The following WDFY3 variants were observed in gnomAD, a reference collection of about 807,000 sequenced individuals.
WDFY3 encodes WD repeat and FYVE domain-containing protein 3.
In WDFY3, 66 loss-of-function variants were observed where a neutral mutation model predicts 409.6. The observed-to-expected ratio is 0.16, with a 90% CI of 0.13 to 0.20. The LOEUF (loss-of-function observed/expected upper bound fraction) is 0.20. WDFY3 is among the 10% of genes least tolerant of loss of function. WDFY3 has a pLI of 1.00. For missense variants in WDFY3, 3,031 were observed against 4,298.1 expected, an observed-to-expected ratio of 0.71 and a Z score of 8.24; for synonymous variants, 1,521 against 1,537.1, an observed-to-expected ratio of 0.99 and a Z score of 0.25.
chr4:84,874,949 A>G (rs1055071081), intron 3 of WDFY3, among the ~76,000 whole-genome samples: 24 of 152,268 alleles, frequency 1.6e-4, no homozygotes, highest in Middle Eastern at 3.4e-3. Context: ...ATGTTGCTGT[A>G]CTGAATACTA....
At chr4:84,838,093 C>G (rs1040332356) in intron 6 of WDFY3, among the ~76,000 whole-genome samples, 3 of 152,140 alleles carry the variant, frequency 2.0e-5, no homozygotes, top group Non-Finnish European at 4.4e-5. Context: ...CTGGAAGATA[C>G]ATAGGAGGTT....
chr4:84,882,864 CAT>C (rs1449075817), intron 3 of WDFY3, among the ~76,000 whole-genome samples: 1 of 152,024 alleles, frequency 6.6e-6, no homozygotes, highest in Non-Finnish European at 1.5e-5. Context: ...CAGGTATGCA[CAT>C]GTGGCTCATT....
intron 67 of WDFY3, among the ~76,000 whole-genome samples, chr4:84,674,235 A>T (rs1276482274): frequency 6.6e-6 from 1 of 152,204 alleles, no homozygotes; most frequent in Non-Finnish European, 1.5e-5. Context: ...TACAAAGAAC[A>T]GATGTGTGCC....
chr4:84,939,237 G>A (rs756140822), intron 1 of WDFY3, among the ~76,000 whole-genome samples: 2 of 151,998 alleles, frequency 1.3e-5, no homozygotes, highest in Admixed American at 6.6e-5. Context: ...ATGTTTCCTC[G>A]TGATTAAATT....
At chr4:84,794,236 A>C (rs1237668397) in intron 21 of WDFY3, among the ~76,000 whole-genome samples, 1 of 152,212 alleles carries the variant, frequency 6.6e-6, no homozygotes, top group East Asian at 1.9e-4. Context: ...TCCTTACCAA[A>C]ATACATCAAA....
chr4:84,685,502 T>G (rs1728162980), intron 62 of WDFY3, among the ~76,000 whole-genome samples: 1 of 152,228 alleles, frequency 6.6e-6, no homozygotes, highest in Admixed American at 6.5e-5. Context: ...TGTCAGCAAT[T>G]GAGTTTTAAT....
intron 10 of WDFY3, among the ~76,000 whole-genome samples, chr4:84,822,755 T>C (rs145672639): frequency 5.5e-4 from 84 of 152,246 alleles, no homozygotes; most frequent in African/African-American, 1.9e-3. Flanking sequence ...CTCAGAAATC[T>C]TGACTTCGAC....
chr4:84,911,575 G>A (rs557521984), intron 2 of WDFY3, among the ~76,000 whole-genome samples: 1 of 152,102 alleles, frequency 6.6e-6, no homozygotes, highest in South Asian at 2.1e-4. Flanking sequence ...AACCAACACA[G>A]GTTTAAACTA....
chr4:84,744,155 AAC>A (rs1163490848), intron 36 of WDFY3, among the ~76,000 whole-genome samples: 2 of 148,992 alleles, frequency 1.3e-5, no homozygotes, highest in South Asian at 2.1e-4. Context: ...AAACTGTTAT[AAC>A]AGTTTATAAC....
chr4:84,772,748 T>A, intron 30 of WDFY3, 87 bp downstream of exon 30: 2 of 1,017,066 alleles, frequency 2.0e-6, no homozygotes, highest in Admixed American at 5.2e-5. Flanking sequence ...TATAATCACA[T>A]GTAATTCAGG....
chr4:84,896,028 G>A lies in WDFY3; in HGVS notation c.-32+883C>T, dbSNP rs551019312. On this transcript the variant is annotated intron_variant, in intron 3 of 67. Coordinates refer to ENST00000295888, the MANE Select transcript of WDFY3 (RefSeq NM_014991.6). ...ATCCCAGCACTTTGGGAGGCCGAGG[G>A]GGACGGATCACGAGGTCAAGAGATG... 1.1e-4 allele frequency among the ~76,000 whole-genome samples: 16 copies of A among 152,024 alleles called. 1 individual carries two copies. In the East Asian group the frequency reaches 3.1e-3, roughly 30 times the overall value.
intron 3 of WDFY3, among the ~76,000 whole-genome samples, chr4:84,868,086 T>G (rs1036412145): frequency 4.4e-5 from 6 of 135,628 alleles, no homozygotes; most frequent in Admixed American, 1.7e-4. Flanking sequence ...GGAGAATGGC[T>G]TGAACCCAGG....
chr4:84,691,947 C>T (rs570044168), intron 59 of WDFY3, among the ~76,000 whole-genome samples, 162 bp from the exon 60 acceptor site: 24 of 152,336 alleles, frequency 1.6e-4, no homozygotes, highest in African/African-American at 5.8e-4. Context: ...GAATCTCCTA[C>T]AAGACCTGCT....
At chr4:84,698,002 CAAAAATAAAT>C (rs1730414957) in intron 56 of WDFY3, among the ~76,000 whole-genome samples, 1 of 152,058 alleles carries the variant, frequency 6.6e-6, no homozygotes, top group Admixed American at 6.6e-5. Context: ...TGATTTACAA[CAAAAATAAAT>C]CAAGTTATTA....
chr4:84,737,128 C>A (rs1007732847), intron 41 of WDFY3, 56 bp downstream of exon 41: 6 of 1,580,228 alleles, frequency 3.8e-6, no homozygotes, highest in Non-Finnish European at 5.2e-6. Context: ...TAAAGTATAC[C>A]CATATATGAT....
At chr4:84,890,116 T>G (rs567431290) in intron 3 of WDFY3, among the ~76,000 whole-genome samples, 2 of 152,316 alleles carry the variant, frequency 1.3e-5, no homozygotes, top group South Asian at 4.1e-4. Context: ...TTTTTATTTT[T>G]TTTTAACTAG....
chr4:84,867,927 T>G (rs540084802), intron 3 of WDFY3, among the ~76,000 whole-genome samples: 1 of 152,000 alleles, frequency 6.6e-6, no homozygotes, highest in Admixed American at 6.6e-5. Flanking sequence ...TCCCAGCACT[T>G]TGGGAGGTCA....
intron 1 of WDFY3, among the ~76,000 whole-genome samples, chr4:84,935,889 T>C (rs1445301402): frequency 1.3e-5 from 2 of 152,158 alleles, no homozygotes; most frequent in Admixed American, 6.5e-5. Context: ...ATATGTAATA[T>C]AGTATAATTC....
intron 1 of WDFY3, among the ~76,000 whole-genome samples, chr4:84,963,200 G>C (rs1775145104): frequency 6.6e-6 from 1 of 151,548 alleles, no homozygotes; most frequent in African/African-American, 2.4e-5. Flanking sequence ...GAGGCAGGCA[G>C]ACCACTTGAG....
Sources: gnomAD v4.1 joint callset for allele counts (sites outside exome capture counted in the v4.1 genomes callset) on GRCh38, gnomAD v4.1.1 for gene constraint, MANE v1.5 for transcripts, NCBI Gene and HGNC (gene_info 2026-07-23, HGNC 2026-07-21) for gene names.